Variants in HDAC9 observed in about 807,000 individuals in gnomAD.
The protein encoded by HDAC9 is histone deacetylase 9, also known as MEF-2 interacting transcription repressor (MITR) protein.
A neutral mutation model predicts 139.4 loss-of-function variants in HDAC9; 41 were observed. The ratio of observed to expected loss-of-function variants is 0.29; its 90% CI spans 0.23 to 0.38. The LOEUF (loss-of-function observed/expected upper bound fraction) is 0.38, where lower values mean the gene tolerates loss of function less well. Ranked by LOEUF, HDAC9 falls within the 10% of genes least tolerant of loss-of-function variation. The pLI is 1.00. For synonymous variants in HDAC9, 517 were observed against 476.2 expected (o/e 1.09, Z -1.12); for missense variants, 1,147 against 1,297.0 (o/e 0.88, Z 1.78).
chr7:18,616,082 C>A (rs945352437), intron 6 of HDAC9, among the ~76,000 whole-genome samples: 12 of 152,172 alleles, frequency 7.9e-5, no homozygotes, highest in Non-Finnish European at 1.5e-4. Context: ...CCAAGCCTTT[C>A]TCAAATGGCA....
intron 6 of HDAC9, among the ~76,000 whole-genome samples, chr7:18,607,652 T>A (rs1343829444): frequency 6.6e-6 from 1 of 152,208 alleles, no homozygotes; most frequent in Non-Finnish European, 1.5e-5. Context: ...TAAGTTTTAA[T>A]CTTAACCTTG....
chr7:18,441,331 ATCTTTC>A (rs1222380989), intron 1 of HDAC9, among the ~76,000 whole-genome samples: 5 of 152,168 alleles, frequency 3.3e-5, no homozygotes, highest in Non-Finnish European at 7.4e-5. Context: ...TGGAACATTT[ATCTTTC>A]TCTTTATTTT....
chr7:18,536,345 G>T (rs953431584), intron 2 of HDAC9, among the ~76,000 whole-genome samples: 1 of 152,018 alleles, frequency 6.6e-6, no homozygotes, highest in Non-Finnish European at 1.5e-5. Flanking sequence ...ATGTTTTCCC[G>T]AATCAGCTCC....
chr7:18,348,856 T>C (rs1258277470), intron 1 of HDAC9, among the ~76,000 whole-genome samples: 1 of 152,162 alleles, frequency 6.6e-6, no homozygotes, highest in Non-Finnish European at 1.5e-5. Context: ...ATGCTGCTTG[T>C]ATTATTTAAT....
chr7:18,629,924 A>C (rs189086306), intron 7 of HDAC9, among the ~76,000 whole-genome samples: 1 of 152,308 alleles, frequency 6.6e-6, no homozygotes, highest in East Asian at 1.9e-4. Flanking sequence ...TTGACTTTTC[A>C]ACAAATTTAC....
intron 1 of HDAC9, among the ~76,000 whole-genome samples, chr7:18,380,839 T>C (rs532439217): frequency 6.6e-6 from 1 of 152,136 alleles, no homozygotes; most frequent in Non-Finnish European, 1.5e-5. Context: ...CCTCCAGCAC[T>C]CTGGAGCTTA....
intron 22 of HDAC9, among the ~76,000 whole-genome samples, chr7:18,928,489 G>T (rs760094289): frequency 1.3e-5 from 2 of 152,120 alleles, no homozygotes; most frequent in Non-Finnish European, 2.9e-5. Flanking sequence ...AATAACACTA[G>T]AATAAGATAA....
intron 2 of HDAC9, among the ~76,000 whole-genome samples, chr7:18,500,781 A>G (rs1478229929): frequency 6.6e-6 from 1 of 152,132 alleles, no homozygotes; most frequent in Non-Finnish European, 1.5e-5. Flanking sequence ...CATTGAACCC[A>G]TGGAATTAGA....
At chr7:18,134,779 G>A (rs1223087319) in intron 1 of HDAC9, among the ~76,000 whole-genome samples, 2 of 152,168 alleles carry the variant, frequency 1.3e-5, no homozygotes, top group African/African-American at 4.8e-5. Context: ...ATTTCAGAGG[G>A]AATTCTTTTC....
chr7:18,487,542 T>C (rs1796062866), intron 1 of HDAC9, among the ~76,000 whole-genome samples: 1 of 152,014 alleles, frequency 6.6e-6, no homozygotes, highest in Admixed American at 6.6e-5. Flanking sequence ...TCCATAACCA[T>C]AGGATGTATA....
intron 22 of HDAC9, among the ~76,000 whole-genome samples, chr7:18,888,858 G>A (rs1171906152): frequency 6.6e-6 from 1 of 152,106 alleles, no homozygotes; most frequent in East Asian, 1.9e-4. Context: ...CCTTTTTCAG[G>A]AACGACTTTG....
At chr7:18,493,474 C>A (rs1796509943), upstream of HDAC9, among the ~76,000 whole-genome samples, 1 of 151,816 alleles carries the variant, frequency 6.6e-6, no homozygotes, top group Admixed American at 6.6e-5. Context: ...ACCTGTATTT[C>A]CTTAAGCTAC....
Position 18,716,053 on chromosome 7 carries a change from T to C in HDAC9, c.1732-11527T>C, listed in dbSNP as rs1361882062. 2.0e-5 allele frequency among the ~76,000 whole-genome samples: 3 copies of C among 152,244 alleles called. No individual in the cohort carries two copies. In the East Asian group the frequency reaches 5.8e-4, roughly 29 times the overall value. ...ATGATATTTTATATCCAGACTCTAA[T>C]TATCAAAAGGGAGGAATAAAGGAAA... On this transcript the variant is annotated intron_variant, in intron 12 of 25. Transcript: ENST00000686413.
intron 12 of HDAC9, among the ~76,000 whole-genome samples, chr7:18,723,247 A>G (rs1785273355): frequency 6.6e-6 from 1 of 152,208 alleles, no homozygotes; most frequent in African/African-American, 2.4e-5. Flanking sequence ...CTTATTATGC[A>G]TTCATTTAAA....
intron 23 of HDAC9, among the ~76,000 whole-genome samples, chr7:18,948,718 C>T (rs73083871): frequency 0.01 from 1,525 of 152,214 alleles, 9 homozygotes; most frequent in Middle Eastern, 0.017. Context: ...GGGTGGAGTT[C>T]CATCTTAGAA....
chr7:18,980,679 GTTC>G (rs1005661517), intron 25 of HDAC9, among the ~76,000 whole-genome samples: 10 of 132,376 alleles, frequency 7.6e-5, no homozygotes, highest in Non-Finnish European at 9.8e-5. Context: ...TCTTGTTCTT[GTTC>G]TTCTTGTTCT....
At chr7:18,203,087 C>T (rs1235594306) in intron 2 of HDAC9, among the ~76,000 whole-genome samples, 3 of 151,998 alleles carry the variant, frequency 2.0e-5, no homozygotes, top group African/African-American at 7.2e-5. Context: ...GATCAGGGTT[C>T]CTCTGTGTTT....
At chr7:18,753,079 T>TAA (rs1390324220) in intron 14 of HDAC9, among the ~76,000 whole-genome samples, 10 of 152,134 alleles carry the variant, frequency 6.6e-5, no homozygotes, top group African/African-American at 2.4e-4. Flanking sequence ...TTTCCAGGCA[T>TAA]CTTTGTTAGG....
At chr7:18,703,763 C>A (rs1783681196) in intron 12 of HDAC9, among the ~76,000 whole-genome samples, 1 of 151,404 alleles carries the variant, frequency 6.6e-6, no homozygotes, top group Non-Finnish European at 1.5e-5. Flanking sequence ...CCCCCAATCC[C>A]CATCCCTGTC....
Sources: gnomAD v4.1 joint callset for allele counts (sites outside exome capture counted in the v4.1 genomes callset) on GRCh38, gnomAD v4.1.1 for gene constraint, MANE v1.5 for transcripts, NCBI Gene and HGNC (gene_info 2026-07-23, HGNC 2026-07-21) for gene names.